The following SCLY variants were observed in gnomAD, a reference collection of about 807,000 sequenced individuals.
SCLY encodes the protein putative selenocysteine lyase.
In SCLY, 38 loss-of-function variants were observed where a neutral mutation model predicts 50.1. The observed-to-expected ratio is 0.76, with a 90% CI of 0.59 to 0.99. SCLY has a LOEUF of 0.99. Among genes scored for constraint, SCLY ranks in the 50% least tolerant of loss-of-function variants. The probability of loss-of-function intolerance (pLI) is 0.00; values close to 1 mark genes in which losing one functional copy is unlikely to be tolerated. For synonymous variants in SCLY, 243 were observed against 249.4 expected, an observed-to-expected ratio of 0.97 and a Z score of 0.24; for missense variants, 600 against 620.0, an observed-to-expected ratio of 0.97 and a Z score of 0.34.
intron 10 of SCLY, among the ~76,000 whole-genome samples, chr2:238,095,027 C>T (rs1419256207): frequency 6.6e-6 from 1 of 151,970 alleles, no homozygotes; most frequent in Admixed American, 6.6e-5. Context: ...ATGGAGAAAC[C>T]CCATCTCTAC....
At chr2:238,062,755 T>C (rs2065030011) in intron 1 of SCLY, among the ~76,000 whole-genome samples, 1 of 152,258 alleles carries the variant, frequency 6.6e-6, no homozygotes, top group South Asian at 2.1e-4. Context: ...TTTCAACTAA[T>C]GCACATTCTG....
chr2:238,080,515 G>T (rs2065225093), intron 4 of SCLY: 1 of 152,414 alleles, frequency 6.6e-6, no homozygotes, highest in Non-Finnish European at 1.5e-5. Flanking sequence ...CTCTGCATAA[G>T]GTGGTGGCAG....
chr2:238,076,569 G>A (rs1447034105), intron 4 of SCLY, among the ~76,000 whole-genome samples: 1 of 146,506 alleles, frequency 6.8e-6, no homozygotes, highest in Non-Finnish European at 1.5e-5. Context: ...AGAGTGTATT[G>A]TTCTGCGGAA....
At chr2:238,086,650 GA>G (rs2065300523) in intron 7 of SCLY, among the ~76,000 whole-genome samples, 2 of 143,594 alleles carry the variant, frequency 1.4e-5, no homozygotes, top group South Asian at 4.4e-4. Context: ...AGGCTGCAGT[GA>G]GCTATGATCA....
At chr2:238,070,624 G>A (rs1030270646) in intron 4 of SCLY, among the ~76,000 whole-genome samples, 4 of 152,062 alleles carry the variant, frequency 2.6e-5, no homozygotes, top group African/African-American at 9.7e-5. Context: ...AGATTGCTGT[G>A]AGCCAAGATC....
At chr2:238,076,210 A>G (rs377325094) in intron 4 of SCLY, among the ~76,000 whole-genome samples, 1 of 151,558 alleles carries the variant, frequency 6.6e-6, no homozygotes, top group South Asian at 2.1e-4. Flanking sequence ...TTGTGCCTCA[A>G]CCTCCCAAGT....
At chr2:238,076,812 C>T (rs1243904500) in intron 4 of SCLY, among the ~76,000 whole-genome samples, 4 of 151,096 alleles carry the variant, frequency 2.6e-5, no homozygotes, top group Non-Finnish European at 5.9e-5. Context: ...TAATTTTCTT[C>T]CATAAGAGCT....
chr2:238,086,248 T>G (rs150649663), intron 7 of SCLY, among the ~76,000 whole-genome samples: 272 of 152,352 alleles, frequency 1.8e-3, no homozygotes, highest in African/African-American at 6.3e-3. Flanking sequence ...AGGCTTTCCT[T>G]CTTCTTTAGA....
chr2:238,097,940 G>T (rs1295057099), intron 11 of SCLY, among the ~76,000 whole-genome samples: 2 of 152,204 alleles, frequency 1.3e-5, no homozygotes, highest in African/African-American at 4.8e-5. Flanking sequence ...AGCTCAGTGC[G>T]AGAGGGAGGC....
Position 238,098,976 on chromosome 2 carries a change from A to G in SCLY, c.*621A>G, listed in dbSNP as rs568805136. ...TGCACAGTGGCCCCCAGCCTCGGCCAGGCCTGCTCTGCTCAGCGCCCACCG... is the reference window on the plus strand; with the variant it reads ...TGCACAGTGGCCCCCAGCCTCGGCCGGGCCTGCTCTGCTCAGCGCCCACCG... On this transcript the variant is annotated 3_prime_UTR_variant, in exon 12 of 12. Coordinates refer to ENST00000254663, the MANE Select transcript of SCLY (RefSeq NM_016510.7). The G allele has an allele frequency of 7.4e-5, 20 of 269,722 alleles. No homozygotes were observed. The highest frequency in any genetic ancestry group is 4.6e-4 in the African/African-American group (20 of 43,920). 16.7% of individuals were successfully genotyped at this position (269,722 alleles called of 1,614,324 possible).
At position 238,061,039 on chromosome 2, in the gene SCLY, C is replaced by G. The variant is rs769968500; in HGVS notation, c.-16C>G. On this transcript the variant is annotated 5_prime_UTR_variant, in exon 1 of 12. Coordinates refer to ENST00000254663, the MANE Select transcript of SCLY (RefSeq NM_016510.7). The stretch of plus-strand genomic sequence containing the variant: ...CGCGGGAAGGAGGCTGGATGCCCGG[C>G]AGCAGTGGGGCGGGGATGGAGGCGG... 12 of 1,370,166 alleles carry G rather than the reference C, an allele frequency of 8.8e-6. No individual in the cohort carries two copies. The highest frequency in any genetic ancestry group is 1.1e-5 in the Non-Finnish European group (12 of 1,069,902). The allele number at this position is 1,370,166 out of a possible 1,614,324, so 84.9% of individuals were successfully genotyped here. A position where few individuals can be genotyped will look rare whatever the true frequency, so the allele number is the denominator to read the frequency against.
chr2:238,081,974 A>G, intron 5 of SCLY, 71 bp from the exon 6 acceptor site: 1 of 1,581,152 alleles, frequency 6.3e-7, no homozygotes, highest in Non-Finnish European at 8.6e-7. Flanking sequence ...TGCGCTCACT[A>G]CTCCTGATTT....
intron 7 of SCLY, among the ~76,000 whole-genome samples, chr2:238,087,448 C>T (rs1350224464): frequency 6.6e-6 from 1 of 152,186 alleles, no homozygotes; most frequent in African/African-American, 2.4e-5. Flanking sequence ...TACCACAACT[C>T]ACTTGATATA....
intron 6 of SCLY, chr2:238,082,737 A>T (rs933378009): frequency 5.6e-6 from 1 of 179,712 alleles, no homozygotes; most frequent in African/African-American, 2.4e-5. Context: ...CCAGGGCCCG[A>T]GATATTTTTA....
At chr2:238,064,037 C>T (rs982420423) in intron 1 of SCLY, among the ~76,000 whole-genome samples, 16 of 152,180 alleles carry the variant, frequency 1.1e-4, no homozygotes, top group African/African-American at 3.1e-4. Context: ...CTCAGCCTCC[C>T]ACATGGCTGG....
At chr2:238,065,653 A>T (rs1187891429) in intron 2 of SCLY, among the ~76,000 whole-genome samples, 4 of 82,544 alleles carry the variant, frequency 4.8e-5, no homozygotes, top group Non-Finnish European at 7.5e-5. Flanking sequence ...AACTAATAAT[A>T]TTTTATTTTA....
chr2:238,081,327 C>T (rs1016662408), intron 4 of SCLY: 17 of 176,188 alleles, frequency 9.6e-5, no homozygotes, highest in African/African-American at 1.9e-4. Context: ...CAGCGCCTGG[C>T]GCGTAGGAGC....
rs142900735 is a variant in SCLY, at chr2:238,099,064, G to A, written c.*709G>A. The A allele has an allele frequency of 0.01, 3,600 of 357,974 alleles. 41 individuals are homozygous for A. Among genetic ancestry groups the A allele is most frequent in the Non-Finnish European group, 0.012 (2,224 of 182,364 alleles). 22.2% of individuals were successfully genotyped at this position (357,974 alleles called of 1,614,324 possible). A position where few individuals can be genotyped will look rare whatever the true frequency, so the allele number is the denominator to read the frequency against. ...TCCGCCCACTGGCAATCAGGGCTGCGCACTTCCCTGTCCACGGTCCCCAGG... is the reference window on the plus strand; with the variant it reads ...TCCGCCCACTGGCAATCAGGGCTGCACACTTCCCTGTCCACGGTCCCCAGG... On this transcript the variant is annotated 3_prime_UTR_variant, in exon 12 of 12. Coordinates refer to ENST00000254663, the MANE Select transcript of SCLY (RefSeq NM_016510.7).
In SCLY at chr2:238,063,175, GA is replaced by G. The variant is rs2065033862; in HGVS notation, c.90-1180del. On this transcript the variant is annotated intron_variant, in intron 1 of 11. Transcript: ENST00000254663. ...TCAGATGATGATGCTGCCCAGAAAGGAAGGCGGGAAGGGGACCTGGAGGCTG... is the reference window on the plus strand; with the variant it reads ...TCAGATGATGATGCTGCCCAGAAAGGAGGCGGGAAGGGGACCTGGAGGCTG... 2.0e-5 allele frequency among the ~76,000 whole-genome samples: 3 copies of G among 152,112 alleles called. No individual in the cohort carries two copies. The South Asian group carries it at 6.2e-4, about 32-fold the overall frequency.
Sources: allele counts gnomAD v4.1 joint callset (sites outside exome capture counted in the v4.1 genomes callset), GRCh38; gene constraint gnomAD v4.1.1; transcripts MANE v1.5; gene names NCBI Gene and HGNC (gene_info 2026-07-23, HGNC 2026-07-21).